KCNH8: variants seen among roughly 807,000 people sequenced by gnomAD.
The protein encoded by KCNH8 is voltage-gated delayed rectifier potassium channel KCNH8.
KCNH8 carries 70 observed loss-of-function variants against 103.6 expected under a neutral mutation model. The observed-to-expected ratio is 0.68, with a 90% CI of 0.56 to 0.82. KCNH8 has a LOEUF of 0.82. Ranked by LOEUF, KCNH8 falls within the 40% of genes least tolerant of loss-of-function variation. The pLI is 0.00. For synonymous variants in KCNH8, 498 were observed against 489.4 expected (o/e 1.02, Z -0.23); for missense variants, 1,217 against 1,329.9 (o/e 0.92, Z 1.32).
chr3:19,462,069 C>G (rs564222401), intron 11 of KCNH8, among the ~76,000 whole-genome samples: 4 of 152,258 alleles, frequency 2.6e-5, no homozygotes, highest in Admixed American at 2.0e-4. Flanking sequence ...GGTTCCAAGT[C>G]TTTGCTATTG....
intron 3 of KCNH8, among the ~76,000 whole-genome samples, chr3:19,289,252 T>C (rs2064882467): frequency 6.6e-6 from 1 of 152,134 alleles, no homozygotes; most frequent in African/African-American, 2.4e-5. Flanking sequence ...TTGTCAATTT[T>C]GGCTTTTGTT....
At position 19,493,602 on chromosome 3, in the gene KCNH8, A is replaced by G. The variant is rs967941955; in HGVS notation, c.2041-16761A>G. On this transcript the variant is annotated intron_variant, in intron 11 of 15. Coordinates refer to ENST00000328405, the MANE Select transcript of KCNH8 (RefSeq NM_144633.3). ...ATTATACCCCTTTTCTTTATAAATTACCCAGTCTTAGGTAGTATCTTTATA... is the reference window on the plus strand; with the variant it reads ...ATTATACCCCTTTTCTTTATAAATTGCCCAGTCTTAGGTAGTATCTTTATA... Among the ~76,000 whole-genome samples, 4 of 152,144 alleles carry G rather than the reference A, an allele frequency of 2.6e-5. No individual in the cohort carries two copies. The East Asian group carries it at 7.7e-4, about 29-fold the overall frequency.
In KCNH8 at chr3:19,164,665, C is replaced by T. The variant is rs112147840; in HGVS notation, c.76+15870C>T. On this transcript the variant is annotated intron_variant, in intron 1 of 15. Coordinates refer to ENST00000328405, the MANE Select transcript of KCNH8 (RefSeq NM_144633.3). ...TATGATTAAGAACTTGATGATCATA[C>T]GTGACTTCACTGTGAGATACTTACA... 1.1e-3 allele frequency among the ~76,000 whole-genome samples: 164 copies of T among 152,236 alleles called. 1 individual carries two copies. Among genetic ancestry groups the T allele is most frequent in the African/African-American group, 3.4e-3 (141 of 41,550 alleles).
At chr3:19,468,372 A>G (rs890713296) in intron 11 of KCNH8, among the ~76,000 whole-genome samples, 1 of 152,226 alleles carries the variant, frequency 6.6e-6, no homozygotes, top group African/African-American at 2.4e-5. Flanking sequence ...AGCGGCCTCT[A>G]TGGCCAGTAA....
At chr3:19,508,167 A>ATGTC (rs750365042) in intron 11 of KCNH8, among the ~76,000 whole-genome samples, 1 of 151,982 alleles carries the variant, frequency 6.6e-6, no homozygotes, top group Non-Finnish European at 1.5e-5. Context: ...GAGGATTTTT[A>ATGTC]TGTCTATATT....
At chr3:19,348,867 T>G (rs1306573025) in intron 5 of KCNH8, among the ~76,000 whole-genome samples, 1 of 151,702 alleles carries the variant, frequency 6.6e-6, no homozygotes, top group East Asian at 1.9e-4. Flanking sequence ...GTGAGGCACA[T>G]CAAAACCTTG....
chr3:19,286,495 C>A (rs941101013), intron 3 of KCNH8, among the ~76,000 whole-genome samples: 1 of 152,168 alleles, frequency 6.6e-6, no homozygotes, highest in East Asian at 1.9e-4. Context: ...GAATCTCTAA[C>A]CACCAGAACT....
chr3:19,512,752 A>T (rs1347908345), intron 12 of KCNH8, among the ~76,000 whole-genome samples: 1 of 152,164 alleles, frequency 6.6e-6, no homozygotes, highest in East Asian at 1.9e-4. Flanking sequence ...AGGGGCTAAA[A>T]ATCAAGAAAG....
chr3:19,252,476 G>A (rs1214516876), intron 1 of KCNH8, among the ~76,000 whole-genome samples: 1 of 151,138 alleles, frequency 6.6e-6, no homozygotes, highest in East Asian at 2.0e-4. Flanking sequence ...TGCAACCTTC[G>A]CCTTCTAGTT....
chr3:19,447,567 A>T (rs1475544981), intron 8 of KCNH8, among the ~76,000 whole-genome samples: 2 of 152,044 alleles, frequency 1.3e-5, no homozygotes, highest in Non-Finnish European at 1.5e-5. Context: ...TTTAATCTCC[A>T]TGGAAAGACT....
Position 19,533,935 on chromosome 3 carries a change from A to G in KCNH8, c.3160A>G (p.Ser1054Gly). The part of the protein sequence containing the change: ...LVLPSRSEEG[S>G]FSQGTVSSFS... The stretch of plus-strand genomic sequence containing the variant: ...TCTCCCAAGCAGATCAGAGGAGGGC[A>G]GCTTCAGTCAGGGAACTGTGAGTTC... The change falls in exon 16 of 16, where the codon AGC becomes GGC. Residue 1054 changes from serine (S) to glycine (G), a missense_variant. By Grantham distance (56) the Ser-to-Gly change is moderately conservative. Around this residue, in one of 3 missense-constraint regions of KCNH8, gnomAD observed 558 missense variants for 495.8 expected, o/e 1.13. Transcript: ENST00000328405. 1 of 1,614,166 alleles carries G rather than the reference A, an allele frequency of 6.2e-7. No homozygotes were observed. Among genetic ancestry groups the G allele is most frequent in the Non-Finnish European group, 8.5e-7 (1 of 1,180,024 alleles).
intron 11 of KCNH8, among the ~76,000 whole-genome samples, chr3:19,480,328 CT>C (rs762569646): frequency 6.6e-6 from 1 of 152,150 alleles, no homozygotes; most frequent in Non-Finnish European, 1.5e-5. Flanking sequence ...ACTCAAAATC[CT>C]TCCAAAGGTG....
intron 5 of KCNH8, 47 bp from the exon 6 acceptor site, chr3:19,390,434 T>G: frequency 7.0e-7 from 1 of 1,435,748 alleles, no homozygotes; most frequent in Non-Finnish European, 9.7e-7. Context: ...TTCTTTATTC[T>G]TCTCTGTCTC....
chr3:19,477,417 T>C (rs970112936), intron 11 of KCNH8, among the ~76,000 whole-genome samples: 44 of 149,322 alleles, frequency 2.9e-4, no homozygotes, highest in Admixed American at 2.0e-4. Context: ...AGGATTTTTT[T>C]GGTTTTCTTT....
At chr3:19,170,806 ATATAT>A (rs1413449160) in intron 1 of KCNH8, among the ~76,000 whole-genome samples, 2 of 103,402 alleles carry the variant, frequency 1.9e-5, no homozygotes, top group African/African-American at 4.8e-5. Flanking sequence ...ATATATATAT[ATATAT>A]TTTTTTTTTT....
At chr3:19,181,938 C>G (rs571125456) in intron 1 of KCNH8, among the ~76,000 whole-genome samples, 44 of 152,146 alleles carry the variant, frequency 2.9e-4, no homozygotes, top group Admixed American at 1.8e-3. Context: ...ATAATACTAA[C>G]AAAGTGAATT....
At chr3:19,367,392 C>CTA (rs200221578) in intron 5 of KCNH8, among the ~76,000 whole-genome samples, 1,970 of 144,266 alleles carry the variant, frequency 0.014, 54 homozygotes, top group African/African-American at 0.048. Flanking sequence ...CTCTCTCTCT[C>CTA]TCTATATATA....
chr3:19,483,502 G>A (rs1271147157), intron 11 of KCNH8, among the ~76,000 whole-genome samples: 2 of 152,074 alleles, frequency 1.3e-5, no homozygotes, highest in Admixed American at 1.3e-4. Flanking sequence ...TCAGGAACTG[G>A]GTCTGTAGGT....
chr3:19,197,085 G>A (rs2063609536), intron 1 of KCNH8, among the ~76,000 whole-genome samples: 1 of 151,926 alleles, frequency 6.6e-6, no homozygotes, highest in Non-Finnish European at 1.5e-5. Flanking sequence ...TCTCCAATCT[G>A]TTGCCTTTGA....
Sources: gnomAD v4.1 joint callset for allele counts (sites outside exome capture counted in the v4.1 genomes callset) on GRCh38, gnomAD v4.1.1 for gene constraint, gnomAD v4.1.1 regional missense constraint, MANE v1.5 for transcripts, NCBI Gene and HGNC (gene_info 2026-07-23, HGNC 2026-07-21) for gene names.